Variants in AUTS2 observed in about 807,000 individuals in gnomAD.
AUTS2 encodes activator of transcription and developmental regulator AUTS2.
Under a neutral mutation model 112.4 loss-of-function variants are expected in AUTS2, and 17 were observed. That is an observed-to-expected ratio of 0.15 (90% CI 0.10 to 0.23). AUTS2 has a LOEUF of 0.23. AUTS2 is among the 10% of genes least tolerant of loss of function. The pLI is 1.00. For synonymous variants in AUTS2, 751 were observed against 702.7 expected (o/e 1.07, Z -1.09); for missense variants, 1,510 against 1,701.6 (o/e 0.89, Z 1.98).
chr7:70,277,518 G>A (rs1787985157), intron 4 of AUTS2, among the ~76,000 whole-genome samples: 1 of 151,998 alleles, frequency 6.6e-6, no homozygotes, highest in Non-Finnish European at 1.5e-5. Context: ...ATATTCTAAG[G>A]GTCCCTTGCA....
At chr7:70,245,117 C>T (rs1812829318) in intron 4 of AUTS2, among the ~76,000 whole-genome samples, 1 of 72,240 alleles carries the variant, frequency 1.4e-5, no homozygotes, top group South Asian at 5.6e-4. Flanking sequence ...GAGATCCTGC[C>T]TCAAAAAAAA....
intron 1 of AUTS2, among the ~76,000 whole-genome samples, chr7:69,856,384 T>C (rs10279669): frequency 0.076 from 11,576 of 152,274 alleles, 596 homozygotes; most frequent in African/African-American, 0.14. Flanking sequence ...GCATTTTCTG[T>C]GTCCTCTCCT....
chr7:69,823,331 A>G (rs1791084927), intron 1 of AUTS2, among the ~76,000 whole-genome samples: 1 of 152,194 alleles, frequency 6.6e-6, no homozygotes, highest in Admixed American at 6.5e-5. Flanking sequence ...GGAATGGCAT[A>G]AGGTTGCATG....
chr7:69,995,624 C>A (rs1256753821), intron 2 of AUTS2, among the ~76,000 whole-genome samples: 4 of 152,162 alleles, frequency 2.6e-5, no homozygotes, highest in African/African-American at 9.7e-5. Flanking sequence ...CAGGATTCTC[C>A]AGGGACAAGG....
At chr7:70,165,074 A>G (rs1808310848) in intron 4 of AUTS2, among the ~76,000 whole-genome samples, 1 of 152,216 alleles carries the variant, frequency 6.6e-6, no homozygotes, top group African/African-American at 2.4e-5. Flanking sequence ...ATCATATATG[A>G]AAAAATTTTC....
chr7:69,939,180 T>C (rs1247598471), intron 2 of AUTS2, among the ~76,000 whole-genome samples: 1 of 152,194 alleles, frequency 6.6e-6, no homozygotes, highest in Non-Finnish European at 1.5e-5. Flanking sequence ...TTTCTAGGCT[T>C]AATTTGTAGA....
rs571139073 is a variant in AUTS2 at position 70,713,875 on chromosome 7, G to A, written c.742+15255G>A. On this transcript the variant is annotated intron_variant, in intron 6 of 18. Transcript: ENST00000342771. ...CGCGCCATTGCACTCCAGCCTGGGCGACAGAACAAGACTCCGTCTCAAAAA... is the reference window on the plus strand; with the variant it reads ...CGCGCCATTGCACTCCAGCCTGGGCAACAGAACAAGACTCCGTCTCAAAAA... 7.7e-4 allele frequency among the ~76,000 whole-genome samples: 113 copies of A among 145,936 alleles called. 1 individual carries two copies. Among genetic ancestry groups the A allele is most frequent in the African/African-American group, 2.2e-3 (87 of 39,344 alleles).
At chr7:70,084,809 T>G (rs1448183666) in intron 2 of AUTS2, among the ~76,000 whole-genome samples, 3 of 152,130 alleles carry the variant, frequency 2.0e-5, no homozygotes, top group Non-Finnish European at 4.4e-5. Flanking sequence ...TTCCAGTGTG[T>G]TGTTTGTCTT....
chr7:70,581,271 A>G (rs1481158663), intron 5 of AUTS2, among the ~76,000 whole-genome samples: 1 of 152,106 alleles, frequency 6.6e-6, no homozygotes, highest in African/African-American at 2.4e-5. Flanking sequence ...CTGTAATCCC[A>G]GCTACTCGGG....
intron 10 of AUTS2, 197 bp from the exon 11 acceptor site, chr7:70,771,352 T>C: frequency 2.3e-6 from 1 of 441,188 alleles, no homozygotes; most frequent in Non-Finnish European, 4.1e-6. Flanking sequence ...TGATTGATCC[T>C]GAACTACTTT....
intron 5 of AUTS2, among the ~76,000 whole-genome samples, chr7:70,633,021 T>C (rs916509386): frequency 1.3e-5 from 2 of 152,016 alleles, no homozygotes; most frequent in Non-Finnish European, 2.9e-5. Context: ...GTCTGGAGGA[T>C]AATGGAAATT....
At chr7:70,325,304 A>G (rs1790437473) in intron 4 of AUTS2, among the ~76,000 whole-genome samples, 1 of 152,138 alleles carries the variant, frequency 6.6e-6, no homozygotes, top group Admixed American at 6.5e-5. Context: ...AGCCGGAGTG[A>G]CAGAGCAAGC....
intron 5 of AUTS2, among the ~76,000 whole-genome samples, chr7:70,632,800 C>T (rs1805332052): frequency 6.6e-6 from 1 of 152,112 alleles, no homozygotes; most frequent in African/African-American, 2.4e-5. Context: ...CCACGGTTGG[C>T]TTTTCCCGAG....
intron 3 of AUTS2, among the ~76,000 whole-genome samples, chr7:70,120,886 A>G (rs992378285): frequency 1.3e-5 from 2 of 152,206 alleles, no homozygotes; most frequent in African/African-American, 2.4e-5. Context: ...AGGCCTTAAT[A>G]ACCAACACAG....
At chr7:69,835,190 G>C (rs1021482406) in intron 1 of AUTS2, among the ~76,000 whole-genome samples, 8 of 151,924 alleles carry the variant, frequency 5.3e-5, no homozygotes, top group African/African-American at 1.7e-4. Context: ...GGACAACATG[G>C]TGTATTGCTG....
chr7:69,712,700 G>A lies in AUTS2; in HGVS notation c.309+112738G>A, dbSNP rs755420946. On this transcript the variant is annotated intron_variant, in intron 1 of 18. Transcript: ENST00000342771. ...TATGAATACTAGAATACAAGTCTTC[G>A]TATGGGTATCTACTTTTGTTTCTCT... Among the ~76,000 whole-genome samples, 54 of 152,220 alleles carry A rather than the reference G, an allele frequency of 3.5e-4. 1 individual carries two copies. Among genetic ancestry groups the A allele is most frequent in the Non-Finnish European group, 3.8e-4 (26 of 68,004 alleles).
At chr7:70,105,335 C>CT (rs1338005416) in intron 2 of AUTS2, among the ~76,000 whole-genome samples, 4 of 152,158 alleles carry the variant, frequency 2.6e-5, no homozygotes, top group Non-Finnish European at 5.9e-5. Context: ...TCATAGCTCA[C>CT]TGCAGCCTCG....
At position 70,774,132 on chromosome 7, in the gene AUTS2, C is replaced by A. The variant is rs772028079; in HGVS notation, c.1902+33C>A. On this transcript the variant is annotated intron_variant, in intron 12 of 18. Transcript: ENST00000342771. ...CAAAGTCAGGCTTGGTCTCAGGTAACACCAGGGTGTGTGTGTTTGCACGGG... is the reference window on the plus strand; with the variant it reads ...CAAAGTCAGGCTTGGTCTCAGGTAAAACCAGGGTGTGTGTGTTTGCACGGG... 4.4e-6 allele frequency: 7 copies of A among 1,605,560 alleles called. No individual in the cohort carries two copies. The East Asian group carries it at 1.6e-4, about 36-fold the overall frequency.
chr7:70,625,577 G>A (rs139558044), intron 5 of AUTS2, among the ~76,000 whole-genome samples: 178 of 152,334 alleles, frequency 1.2e-3, no homozygotes, highest in African/African-American at 3.8e-3. Flanking sequence ...TAAAGGCTAA[G>A]TCTTACTTCT....
Sources: gnomAD v4.1 joint callset for allele counts (sites outside exome capture counted in the v4.1 genomes callset) on GRCh38, gnomAD v4.1.1 for gene constraint, MANE v1.5 for transcripts, NCBI Gene and HGNC (gene_info 2026-07-23, HGNC 2026-07-21) for gene names.